Variants in NHLRC2 observed in about 807,000 individuals in gnomAD.
NHLRC2 encodes the protein NHL repeat containing 2.
A neutral mutation model predicts 68.1 loss-of-function variants in NHLRC2; 33 were observed. That is an observed-to-expected ratio of 0.48 (90% CI 0.37 to 0.65). The LOEUF (loss-of-function observed/expected upper bound fraction) is 0.65. Among genes scored for constraint, NHLRC2 ranks in the 30% least tolerant of loss-of-function variants. NHLRC2 has a pLI of 0.00. For synonymous variants in NHLRC2, 311 were observed against 309.6 expected, an observed-to-expected ratio of 1.00 and a Z score of -0.05; for missense variants, 761 against 853.8, an observed-to-expected ratio of 0.89 and a Z score of 1.35.
At chr10:113,879,827 C>G in intron 4 of NHLRC2, 132 bp downstream of exon 4, 1 of 560,876 alleles carries the variant, frequency 1.8e-6, no homozygotes, top group Non-Finnish European at 3.0e-6. Flanking sequence ...TCTTGAGGTA[C>G]GTACTTTAGT....
chr10:113,867,071 A>T (rs1845874594), intron 2 of NHLRC2, among the ~76,000 whole-genome samples: 2 of 152,208 alleles, frequency 1.3e-5, no homozygotes, highest in South Asian at 4.1e-4. Context: ...GCCTGCTGTC[A>T]TGTTTCAAAA....
At chr10:113,882,958 C>T (rs1331376407) in intron 4 of NHLRC2, among the ~76,000 whole-genome samples, 1 of 151,762 alleles carries the variant, frequency 6.6e-6, no homozygotes, top group Admixed American at 6.6e-5. Context: ...TTCTTTCTCC[C>T]TTGAATAGCT....
At chr10:113,882,414 A>G (rs1003736397) in intron 4 of NHLRC2, among the ~76,000 whole-genome samples, 1 of 151,830 alleles carries the variant, frequency 6.6e-6, no homozygotes, top group Non-Finnish European at 1.5e-5. Context: ...ATGAAGTGGC[A>G]TCTCATTGTG....
chr10:113,868,952 G>A (rs1356140436), intron 2 of NHLRC2, among the ~76,000 whole-genome samples: 1 of 152,172 alleles, frequency 6.6e-6, no homozygotes, highest in African/African-American at 2.4e-5. Context: ...AGAATATACT[G>A]CAGGAGGAAA....
intron 3 of NHLRC2, 66 bp from the exon 4 acceptor site, chr10:113,879,508 T>C: frequency 7.7e-7 from 1 of 1,295,070 alleles, no homozygotes; most frequent in Non-Finnish European, 1.1e-6. Flanking sequence ...AAATACAAGT[T>C]TGTTTTGTTT....
rs188606965 is a variant in NHLRC2 at position 113,865,751 on chromosome 10, A to G, written c.331+7071A>G. On this transcript the variant is annotated intron_variant, in intron 2 of 10. Transcript: ENST00000369301. ...AACATTGCTTCTGTAATATGCTACT[A>G]TGTGAAAATCCTGATAACTTAAAAG... Among the ~76,000 whole-genome samples the G allele has an allele frequency of 5.5e-4, 83 of 152,282 alleles. 1 individual carries two copies. The East Asian group carries it at 0.012, about 22-fold the overall frequency.
At chr10:113,873,249 T>C (rs1845945288) in intron 2 of NHLRC2, among the ~76,000 whole-genome samples, 1 of 152,152 alleles carries the variant, frequency 6.6e-6, no homozygotes, top group African/African-American at 2.4e-5. Flanking sequence ...GAGAATACTG[T>C]GCACATGTGC....
chr10:113,905,576 T>A (rs1157962201), intron 10 of NHLRC2, among the ~76,000 whole-genome samples: 1 of 152,136 alleles, frequency 6.6e-6, no homozygotes, highest in Non-Finnish European at 1.5e-5. Flanking sequence ...TGGACAAAAA[T>A]TTTAAAGTGA....
In NHLRC2 at chr10:113,854,678, G is replaced by C; in HGVS notation, c.-195G>C. The C allele has an allele frequency of 1.8e-6, 1 of 553,998 alleles. No homozygotes were observed. The highest frequency in any genetic ancestry group is 3.0e-5 in the East Asian group (1 of 32,862). 34.3% of individuals were successfully genotyped at this position (553,998 alleles called of 1,614,324 possible). A position where few individuals can be genotyped will look rare whatever the true frequency, so the allele number is the denominator to read the frequency against. Reference sequence around the variant, plus strand: ...CGGACGGCAGTTTAATTACGTCCCCGGGAACTGCGCCGATTTGGACTTTTG... The same window carrying C: ...CGGACGGCAGTTTAATTACGTCCCCCGGAACTGCGCCGATTTGGACTTTTG... On this transcript the variant is annotated 5_prime_UTR_variant, in exon 1 of 11. Transcript: ENST00000369301.
chr10:113,881,089 T>C (rs1001199840), intron 4 of NHLRC2, among the ~76,000 whole-genome samples: 1 of 151,872 alleles, frequency 6.6e-6, no homozygotes, highest in Non-Finnish European at 1.5e-5. Context: ...ATTACTAAAT[T>C]CTTAATGATT....
chr10:113,896,121 A>T (rs987450797), intron 5 of NHLRC2, among the ~76,000 whole-genome samples: 8 of 152,100 alleles, frequency 5.3e-5, no homozygotes, highest in Non-Finnish European at 1.2e-4. Context: ...TTCCTCAGGG[A>T]TCTAGAACTA....
intron 1 of NHLRC2, among the ~76,000 whole-genome samples, chr10:113,858,178 T>G (rs755365640): frequency 1.3e-5 from 2 of 151,924 alleles, no homozygotes; most frequent in Admixed American, 1.3e-4. Context: ...TTTCCCATCC[T>G]CTACTCCTCC....
At chr10:113,875,015 T>C (rs1306271608) in intron 2 of NHLRC2, among the ~76,000 whole-genome samples, 1 of 151,942 alleles carries the variant, frequency 6.6e-6, no homozygotes, top group African/African-American at 2.4e-5. Flanking sequence ...GTCGAACATC[T>C]GCTTTATCTT....
chr10:113,871,953 G>A (rs1845929871), intron 2 of NHLRC2, among the ~76,000 whole-genome samples: 2 of 152,186 alleles, frequency 1.3e-5, no homozygotes, highest in South Asian at 2.1e-4. Context: ...AACAAGTGTA[G>A]GGGAGACTTA....
At chr10:113,885,776 G>C (rs1254700195) in intron 5 of NHLRC2, among the ~76,000 whole-genome samples, 4 of 151,908 alleles carry the variant, frequency 2.6e-5, no homozygotes, top group Admixed American at 6.6e-5. Flanking sequence ...TTCTTTTATA[G>C]CAAGTACAAT....
chr10:113,885,885 G>A (rs1488096886), intron 5 of NHLRC2, among the ~76,000 whole-genome samples: 1 of 151,898 alleles, frequency 6.6e-6, no homozygotes, highest in Admixed American at 6.6e-5. Flanking sequence ...GGTTCCTTAT[G>A]GGAAGAGGAG....
intron 5 of NHLRC2, among the ~76,000 whole-genome samples, chr10:113,894,954 TAATATA>T (rs1385284900): frequency 1.3e-5 from 2 of 152,258 alleles, no homozygotes; most frequent in East Asian, 3.9e-4. Flanking sequence ...GATATATACA[TAATATA>T]AATATAGAGA....
chr10:113,858,661 A>G lies in NHLRC2; in HGVS notation c.312A>G (p.Glu104=). 1 of 1,611,258 alleles carries G rather than the reference A, an allele frequency of 6.2e-7. No individual in the cohort carries two copies. The highest frequency in any genetic ancestry group is 8.5e-7 in the Non-Finnish European group (1 of 1,177,550). ...IHLLPDLHAL[E]HTYSDKDGLL... ...TATTGCCTGATCTCCATGCATTAGA[A>G]CACACATACTCTGATAAAGGTATCT... Residue 104 remains glutamate, a synonymous_variant, in exon 2 of 11, where the codon GAA becomes GAG. Coordinates refer to ENST00000369301, the MANE Select transcript of NHLRC2 (RefSeq NM_198514.4).
At chr10:113,905,396 C>T (rs985804693) in intron 10 of NHLRC2, among the ~76,000 whole-genome samples, 2 of 152,134 alleles carry the variant, frequency 1.3e-5, no homozygotes, top group African/African-American at 4.8e-5. Flanking sequence ...GTGGAGCCCT[C>T]GTATTTAACA....
Sources: allele counts gnomAD v4.1 joint callset (sites outside exome capture counted in the v4.1 genomes callset), GRCh38; gene constraint gnomAD v4.1.1; transcripts MANE v1.5; gene names NCBI Gene and HGNC (gene_info 2026-07-23, HGNC 2026-07-21).